TENM3: variants seen among roughly 807,000 people sequenced by gnomAD.
The protein encoded by TENM3 is teneurin transmembrane protein 3.
A neutral mutation model predicts 255.1 loss-of-function variants in TENM3; 63 were observed. That is an observed-to-expected ratio of 0.25 (90% CI 0.20 to 0.30). TENM3 has a LOEUF of 0.30. TENM3 is among the 10% of genes least tolerant of loss of function. The probability of loss-of-function intolerance (pLI) is 1.00; values close to 1 mark genes in which losing one functional copy is unlikely to be tolerated. For missense variants in TENM3, 2,929 were observed against 3,461.1 expected, an observed-to-expected ratio of 0.85 and a Z score of 3.86; for synonymous variants, 1,306 against 1,322.3, an observed-to-expected ratio of 0.99 and a Z score of 0.27.
At chr4:182,416,172 T>C (rs532701320) in intron 3 of TENM3, among the ~76,000 whole-genome samples, 11 of 152,320 alleles carry the variant, frequency 7.2e-5, no homozygotes, top group Admixed American at 6.5e-5. Context: ...TTTATTCTCA[T>C]TGATGTCTCC....
intron 3 of TENM3, among the ~76,000 whole-genome samples, chr4:182,556,818 A>G (rs961721663): frequency 1.3e-5 from 2 of 152,232 alleles, no homozygotes; most frequent in Non-Finnish European, 2.9e-5. Flanking sequence ...GGCAGAGAAA[A>G]GCATACAAAA....
At chr4:182,194,010 T>TTCACCAGAATTAACA (rs1753688164) in intron 1 of TENM3, among the ~76,000 whole-genome samples, 1 of 152,220 alleles carries the variant, frequency 6.6e-6, no homozygotes. Flanking sequence ...TTAAAAAGCT[T>TTCACCAGAATTAACA]TCACCAGAAT....
chr4:182,779,917 G>C (rs1561242440), intron 24 of TENM3, among the ~76,000 whole-genome samples: 1 of 151,824 alleles, frequency 6.6e-6, no homozygotes, highest in Non-Finnish European at 1.5e-5. Flanking sequence ...TTTTTTTCTT[G>C]TAAATTTGTT....
At chr4:181,812,999 A>G in the TENM3 span, among the ~76,000 whole-genome samples, 1 of 152,164 alleles carries the variant, frequency 6.6e-6, no homozygotes, top group East Asian at 1.9e-4. Context: ...TCTTGAAGAT[A>G]ACCTCTTAGT....
At chr4:182,649,302 T>G (rs1753040744) in intron 5 of TENM3, among the ~76,000 whole-genome samples, 1 of 150,630 alleles carries the variant, frequency 6.6e-6, no homozygotes. Context: ...ATAATCATTC[T>G]TTCTACAAAA....
At chr4:182,647,860 G>C (rs1752892317) in intron 5 of TENM3, among the ~76,000 whole-genome samples, 1 of 152,232 alleles carries the variant, frequency 6.6e-6, no homozygotes, top group African/African-American at 2.4e-5. Context: ...GCACACAAGG[G>C]TTTCCATTTC....
chr4:182,789,015 A>T lies in TENM3; in HGVS notation c.5305-78A>T. 1 of 1,255,792 alleles carries T rather than the reference A, an allele frequency of 8.0e-7. No homozygotes were observed. The highest frequency in any genetic ancestry group is 1.1e-6 in the Non-Finnish European group (1 of 920,994). The allele number at this position is 1,255,792 out of a possible 1,614,324, so 77.8% of individuals were successfully genotyped here. On this transcript the variant is annotated intron_variant, in intron 24 of 27. Coordinates refer to ENST00000511685, the MANE Select transcript of TENM3 (RefSeq NM_001080477.4). The surrounding 1 kb of genome is among the most constrained non-coding windows in gnomAD (Gnocchi z 4.4). ...TGACAAAGAGAATCAATCATCGTAA[A>T]TGGTGTTTAAACAATACTGGGGACT...
chr4:181,869,023 A>G, the TENM3 span, among the ~76,000 whole-genome samples: 1 of 151,794 alleles, frequency 6.6e-6, no homozygotes, highest in Non-Finnish European at 1.5e-5. Flanking sequence ...ACTGTTGCTG[A>G]CCAATTTTCT....
the TENM3 span, among the ~76,000 whole-genome samples, chr4:181,973,909 C>A: frequency 6.6e-6 from 1 of 152,138 alleles, no homozygotes. Context: ...GAGAAAACAG[C>A]AACAACATAG....
At chr4:182,214,520 T>TTATG (rs1554033077) in intron 1 of TENM3, among the ~76,000 whole-genome samples, 5 of 146,738 alleles carry the variant, frequency 3.4e-5, no homozygotes, top group Non-Finnish European at 6.2e-5. Flanking sequence ...TTGTATTTAT[T>TTATG]TATTTATTTA....
the TENM3 span, among the ~76,000 whole-genome samples, chr4:181,610,573 A>C: frequency 2.0e-5 from 3 of 152,308 alleles, no homozygotes; most frequent in African/African-American, 7.2e-5. Context: ...GTACAGAGAC[A>C]ATTCATTTCT....
At chr4:181,763,763 C>T in the TENM3 span, among the ~76,000 whole-genome samples, 2 of 152,210 alleles carry the variant, frequency 1.3e-5, no homozygotes, top group Non-Finnish European at 2.9e-5. Context: ...TTAGCACTAA[C>T]TCAAGTTAAT....
At chr4:181,561,632 C>T in the TENM3 span, among the ~76,000 whole-genome samples, 1 of 152,108 alleles carries the variant, frequency 6.6e-6, no homozygotes, top group African/African-American at 2.4e-5. Context: ...TTCTTTTGAA[C>T]AACATGATTT....
intron 3 of TENM3, among the ~76,000 whole-genome samples, chr4:182,370,236 T>C (rs1190684708): frequency 6.6e-6 from 1 of 152,200 alleles, no homozygotes. Context: ...AAAAGTTAGA[T>C]TTAAGATTTA....
At chr4:182,143,844 C>T (rs141791355), upstream of TENM3, 1,429 of 152,632 alleles carry the variant, frequency 9.4e-3, 9 homozygotes, top group Middle Eastern at 0.017. This position sits in a 1 kb window ranked among gnomAD's most constrained non-coding sequence, Gnocchi z 4.3. Context: ...ACGGATGACC[C>T]CTAAATCACG....
the TENM3 span, among the ~76,000 whole-genome samples, chr4:181,475,378 T>G: frequency 6.6e-6 from 1 of 152,202 alleles, no homozygotes; most frequent in Non-Finnish European, 1.5e-5. Flanking sequence ...GAGCAATTGC[T>G]GTTGCATAAT....
At chr4:181,528,040 C>T in the TENM3 span, among the ~76,000 whole-genome samples, 127 of 151,916 alleles carry the variant, frequency 8.4e-4, no homozygotes, top group Middle Eastern at 3.4e-3. Flanking sequence ...GGATAAAATT[C>T]TCTGTGTAAG....
At chr4:182,004,226 C>T in the TENM3 span, among the ~76,000 whole-genome samples, 1 of 152,098 alleles carries the variant, frequency 6.6e-6, no homozygotes, top group Non-Finnish European at 1.5e-5. Context: ...TCACCCCCAA[C>T]CCCCCAACAA....
At chr4:182,069,080 GA>G in the TENM3 span, among the ~76,000 whole-genome samples, 4 of 151,856 alleles carry the variant, frequency 2.6e-5, no homozygotes, top group Non-Finnish European at 4.4e-5. Flanking sequence ...GCAAGAAAAA[GA>G]AAAAAACCTT....
Sources: gnomAD v4.1 joint callset for allele counts (sites outside exome capture counted in the v4.1 genomes callset) on GRCh38, gnomAD v4.1.1 for gene constraint, Gnocchi (gnomAD v3.1) non-coding constraint, MANE v1.5 for transcripts, NCBI Gene and HGNC (gene_info 2026-07-23, HGNC 2026-07-21) for gene names.